The following UBAP1 variants were observed in gnomAD, a reference collection of about 807,000 sequenced individuals.
UBAP1 encodes the protein ubiquitin associated protein 1.
A neutral mutation model predicts 39.0 loss-of-function variants in UBAP1; 5 were observed. The ratio of observed to expected loss-of-function variants is 0.13; its 90% CI spans 0.07 to 0.27. The LOEUF (loss-of-function observed/expected upper bound fraction) is 0.27. Among genes scored for constraint, UBAP1 ranks in the 10% least tolerant of loss-of-function variants. The probability of loss-of-function intolerance (pLI) is 1.00; values close to 1 mark genes in which losing one functional copy is unlikely to be tolerated. For missense variants in UBAP1, 490 were observed against 608.1 expected (o/e 0.81, Z 2.04); for synonymous variants, 211 against 225.1 (o/e 0.94, Z 0.56).
At chr9:34,212,850 G>A (rs1388010109) in intron 1 of UBAP1, among the ~76,000 whole-genome samples, 1 of 152,084 alleles carries the variant, frequency 6.6e-6, no homozygotes, top group Non-Finnish European at 1.5e-5. Flanking sequence ...CTAATTCATT[G>A]TATAAAGCCA....
At chr9:34,224,197 G>A (rs1478595560) in intron 2 of UBAP1, 2 of 527,048 alleles carry the variant, frequency 3.8e-6, no homozygotes, top group Non-Finnish European at 6.8e-6. Flanking sequence ...ATCATTTTTT[G>A]TTTAAAATCT....
chr9:34,182,612 T>TTTCC (rs1161880499), intron 1 of UBAP1, among the ~76,000 whole-genome samples: 27 of 148,480 alleles, frequency 1.8e-4, no homozygotes, highest in Non-Finnish European at 2.5e-4. Context: ...TTTTTCTTTC[T>TTTCC]TTCCTTCTTT....
intron 2 of UBAP1, among the ~76,000 whole-genome samples, chr9:34,230,815 A>C (rs1833367738): frequency 6.6e-6 from 1 of 152,138 alleles, no homozygotes; most frequent in South Asian, 2.1e-4. Flanking sequence ...ATGTATGAGT[A>C]ATCTGTTAAA....
Position 34,209,669 on chromosome 9 carries a change from C to T in UBAP1, c.-7-11239C>T, listed in dbSNP as rs752338166. Among the ~76,000 whole-genome samples, 14 of 151,930 alleles carry T rather than the reference C, an allele frequency of 9.2e-5. No individual in the cohort carries two copies. The South Asian group carries it at 2.9e-3, about 32-fold the overall frequency. On this transcript the variant is annotated intron_variant, in intron 1 of 6. Coordinates refer to ENST00000297661, the MANE Select transcript of UBAP1 (RefSeq NM_016525.5). ...TGATTTATTCTTTGTTCTTTTTTCT[C>T]TCTCTGAAGTCGTTATCTTTCATTA... is the stretch of plus-strand genomic sequence containing the variant.
At chr9:34,236,330 G>C (rs566211551) in intron 3 of UBAP1, among the ~76,000 whole-genome samples, 3 of 152,210 alleles carry the variant, frequency 2.0e-5, no homozygotes, top group African/African-American at 7.2e-5. Context: ...ATACCGTATA[G>C]CCTAGGTGTA....
intron 2 of UBAP1, among the ~76,000 whole-genome samples, chr9:34,222,464 C>T (rs551969950): frequency 2.6e-4 from 40 of 152,004 alleles, no homozygotes; most frequent in African/African-American, 8.7e-4. Flanking sequence ...TGGATTATTA[C>T]AGGTCTTCTT....
chr9:34,240,267 T>C (rs2131618365), intron 3 of UBAP1, among the ~76,000 whole-genome samples: 1 of 152,282 alleles, frequency 6.6e-6, no homozygotes. Flanking sequence ...TTTCTAGGCT[T>C]CTCTTTTGTT....
intron 2 of UBAP1, among the ~76,000 whole-genome samples, chr9:34,225,217 AT>A (rs1293323851): frequency 2.7e-5 from 4 of 150,568 alleles, no homozygotes; most frequent in Admixed American, 6.6e-5. Flanking sequence ...ATTAAAATGT[AT>A]TTTTTTTTCT....
chr9:34,237,212 G>A (rs1197633139), intron 3 of UBAP1, among the ~76,000 whole-genome samples: 2 of 142,774 alleles, frequency 1.4e-5, no homozygotes, highest in Admixed American at 7.3e-5. Context: ...GCATGTTTAT[G>A]AGAGGTGGTC....
At chr9:34,209,044 C>T (rs563586607) in intron 1 of UBAP1, among the ~76,000 whole-genome samples, 22 of 152,142 alleles carry the variant, frequency 1.4e-4, no homozygotes, top group Admixed American at 1.3e-3. Flanking sequence ...AAGCCATTCT[C>T]CTGCCTCAGC....
At chr9:34,219,167 C>T (rs1470659448) in intron 1 of UBAP1, among the ~76,000 whole-genome samples, 1 of 151,992 alleles carries the variant, frequency 6.6e-6, no homozygotes, top group Non-Finnish European at 1.5e-5. Context: ...CTGGTCACTG[C>T]AGCCTTGACT....
chr9:34,181,622 CG>C (rs1830040295), intron 1 of UBAP1, among the ~76,000 whole-genome samples: 2 of 148,502 alleles, frequency 1.3e-5, no homozygotes, highest in South Asian at 2.1e-4. Flanking sequence ...TTAGTAGAGA[CG>C]GGGTTTCACT....
At chr9:34,202,605 C>T (rs1312172398) in intron 1 of UBAP1, among the ~76,000 whole-genome samples, 1 of 100,438 alleles carries the variant, frequency 1.0e-5, no homozygotes, top group Non-Finnish European at 1.9e-5. Context: ...AGTTATGGGC[C>T]AGAAGCTGTA....
Position 34,241,720 on chromosome 9 carries a change from A to T in UBAP1, c.695A>T (p.Asn232Ile). 1 of 1,613,946 alleles carries T rather than the reference A, an allele frequency of 6.2e-7. No individual in the cohort carries two copies. The highest frequency in any genetic ancestry group is 8.5e-7 in the Non-Finnish European group (1 of 1,180,006). The change falls in exon 4 of 7, where the codon AAT becomes ATT. Residue 232 changes from asparagine (N) to isoleucine (I), a missense_variant. Physicochemically the swap from Asn to Ile is moderately radical, Grantham distance 149 (BLOSUM62 -3). Coordinates refer to ENST00000297661, the MANE Select transcript of UBAP1 (RefSeq NM_016525.5). Reference sequence around the variant, plus strand: ...GATTTCAAGCCTCTTCATAAACCCAATGGCTTTATAACCTTACCACAGTTG... The same window carrying T: ...GATTTCAAGCCTCTTCATAAACCCATTGGCTTTATAACCTTACCACAGTTG... Reference protein sequence around the residue: ...TLDFKPLHKPNGFITLPQLGN... With the variant: ...TLDFKPLHKPIGFITLPQLGN...
chr9:34,187,880 C>CTGG (rs1830492647), intron 1 of UBAP1, among the ~76,000 whole-genome samples: 1 of 150,566 alleles, frequency 6.6e-6, no homozygotes, highest in East Asian at 1.9e-4. Context: ...TGTCTCCTAT[C>CTGG]TACCATTAAA....
intron 1 of UBAP1, among the ~76,000 whole-genome samples, chr9:34,219,213 C>T (rs899374901): frequency 7.2e-5 from 11 of 152,108 alleles, no homozygotes; most frequent in Middle Eastern, 3.4e-3. Flanking sequence ...CTCAGCCTCC[C>T]GAGTAGCAGG....
chr9:34,230,298 T>C (rs777620586), intron 2 of UBAP1, among the ~76,000 whole-genome samples: 17 of 152,134 alleles, frequency 1.1e-4, no homozygotes, highest in Non-Finnish European at 1.9e-4. Context: ...ACTCCTGACC[T>C]CATGATCCGC....
chr9:34,237,692 T>G (rs571039612), intron 3 of UBAP1, among the ~76,000 whole-genome samples: 1 of 152,170 alleles, frequency 6.6e-6, no homozygotes, highest in East Asian at 1.9e-4. Flanking sequence ...CTCAGCCTCC[T>G]GAGTAGCTGG....
intron 1 of UBAP1, among the ~76,000 whole-genome samples, chr9:34,182,603 TTTTCTTTCTTTCCTTC>T (rs1830105331): frequency 6.7e-6 from 1 of 149,862 alleles, no homozygotes; most frequent in African/African-American, 2.4e-5. Context: ...TCTTTTTTCT[TTTTCTTTCTTTCCTTC>T]TTTCTTTCTT....
Sources: allele counts gnomAD v4.1 joint callset (sites outside exome capture counted in the v4.1 genomes callset), GRCh38; gene constraint gnomAD v4.1.1; transcripts MANE v1.5; gene names NCBI Gene and HGNC (gene_info 2026-07-23, HGNC 2026-07-21).